The following CNTRL variants were observed in gnomAD, a reference collection of about 807,000 sequenced individuals.
CNTRL encodes centriolin.
CNTRL carries 233 observed loss-of-function variants against 303.7 expected under a neutral mutation model. That is an observed-to-expected ratio of 0.77 (90% CI 0.69 to 0.86). The LOEUF is 0.86. Ranked by LOEUF, CNTRL falls within the 40% of genes least tolerant of loss-of-function variation. CNTRL has a pLI of 0.00. For synonymous variants in CNTRL, 900 were observed against 922.2 expected (o/e 0.98, Z 0.44); for missense variants, 2,524 against 2,650.6 (o/e 0.95, Z 1.05).
At chr9:121,113,465 C>G in intron 9 of CNTRL, 37 bp from the exon 10 acceptor site, 1 of 1,162,204 alleles carries the variant, frequency 8.6e-7, no homozygotes, top group Non-Finnish European at 1.2e-6. Flanking sequence ...GCTTGGAGAT[C>G]ACTTATTAAA....
At chr9:121,094,112 C>G (rs1329312385) in intron 4 of CNTRL, among the ~76,000 whole-genome samples, 1 of 145,856 alleles carries the variant, frequency 6.9e-6, no homozygotes, top group Admixed American at 6.7e-5. Flanking sequence ...GGTCCCCGCC[C>G]CCTCCCCACC....
At chr9:121,140,537 A>G in intron 16 of CNTRL, 104 bp from the exon 17 acceptor site, 3 of 959,692 alleles carry the variant, frequency 3.1e-6, no homozygotes, top group East Asian at 5.8e-5. Context: ...TGAAAGAGGC[A>G]TTGTCTGAAT....
At chr9:121,148,158 A>AT (rs1180279469) in intron 23 of CNTRL, among the ~76,000 whole-genome samples, 1 of 152,200 alleles carries the variant, frequency 6.6e-6, no homozygotes, top group East Asian at 1.9e-4. Flanking sequence ...TGGAGAACTT[A>AT]TTTTCATTTC....
At chr9:121,082,635 CT>C (rs2048183830) in intron 2 of CNTRL, among the ~76,000 whole-genome samples, 1 of 152,120 alleles carries the variant, frequency 6.6e-6, no homozygotes, top group Admixed American at 6.5e-5. Context: ...GTACTGAATA[CT>C]TTAGGCAGTT....
At chr9:121,136,736 T>C (rs1012025890) in intron 15 of CNTRL, among the ~76,000 whole-genome samples, 1 of 152,252 alleles carries the variant, frequency 6.6e-6, no homozygotes, top group Non-Finnish European at 1.5e-5. Flanking sequence ...ATTTATTGAT[T>C]GGCCATTGAG....
intron 7 of CNTRL, among the ~76,000 whole-genome samples, chr9:121,105,207 A>T (rs898506218): frequency 6.6e-6 from 1 of 152,166 alleles, no homozygotes; most frequent in South Asian, 2.1e-4. Flanking sequence ...TAACACTTGG[A>T]TAGGAGTGAT....
intron 14 of CNTRL, among the ~76,000 whole-genome samples, chr9:121,129,586 A>T (rs988500065): frequency 6.6e-6 from 1 of 152,168 alleles, no homozygotes; most frequent in African/African-American, 2.4e-5. Context: ...GCAAACTGAG[A>T]CAATTTGACT....
In CNTRL at chr9:121,148,768, G is replaced by T; in HGVS notation, c.3556G>T (p.Asp1186Tyr). The change falls in exon 24 of 44, where the codon GAT becomes TAT. Residue 1186 changes from aspartate (D) to tyrosine (Y), a missense_variant. Physicochemically the swap from Asp to Tyr is radical, Grantham distance 160. Transcript: ENST00000373855. ...PVRKPRPGQQ[D>Y]GKEGSQPPPA... is the part of the protein sequence containing the mutation. ...TAGAAAACCACGCCCTGGGCAGCAG[G>T]ATGGGAAGGAAGGCAGTCAACCTCC... 6.2e-7 allele frequency: 1 copy of T among 1,614,094 alleles called. No homozygotes were observed. The highest frequency in any genetic ancestry group is 8.5e-7 in the Non-Finnish European group (1 of 1,179,988).
intron 31 of CNTRL, among the ~76,000 whole-genome samples, chr9:121,159,706 C>T (rs1023166187): frequency 2.6e-5 from 4 of 151,650 alleles, no homozygotes; most frequent in African/African-American, 4.8e-5. Flanking sequence ...AAGAAAACTT[C>T]TCTGACCTTT....
intron 24 of CNTRL, 50 bp downstream of exon 24, chr9:121,148,911 C>A: frequency 1.3e-6 from 2 of 1,518,956 alleles, no homozygotes; most frequent in Non-Finnish European, 1.8e-6. Flanking sequence ...CGTTTAATAA[C>A]CTTTTACTGA....
chr9:121,110,754 G>A (rs1368374480), intron 8 of CNTRL, among the ~76,000 whole-genome samples: 1 of 151,910 alleles, frequency 6.6e-6, no homozygotes, highest in African/African-American at 2.4e-5. Context: ...GTGGGGGAAA[G>A]AATTATTTTT....
chr9:121,087,948 G>A (rs921424564), intron 2 of CNTRL, among the ~76,000 whole-genome samples: 2 of 152,202 alleles, frequency 1.3e-5, no homozygotes, highest in Admixed American at 1.3e-4. Flanking sequence ...GTGCTCATCA[G>A]TATTAAATAC....
intron 12 of CNTRL, among the ~76,000 whole-genome samples, chr9:121,119,705 A>G (rs966389032): frequency 2.6e-5 from 4 of 152,038 alleles, no homozygotes; most frequent in Non-Finnish European, 1.5e-5. Context: ...CATGTTGCTC[A>G]GGCTGGTCTC....
chr9:121,173,536 G>A (rs900062302), intron 41 of CNTRL, 27 bp downstream of exon 41: 3 of 1,610,924 alleles, frequency 1.9e-6, no homozygotes, highest in South Asian at 1.1e-5. Context: ...CTATTCTCTG[G>A]GTTCGTAGGA....
At chr9:121,137,175 T>C (rs2051244744) in intron 15 of CNTRL, among the ~76,000 whole-genome samples, 1 of 152,180 alleles carries the variant, frequency 6.6e-6, no homozygotes. Context: ...AGATTAAAAA[T>C]ACAATTTATT....
At chr9:121,171,798 T>C (rs2053315700) in intron 40 of CNTRL, among the ~76,000 whole-genome samples, 1 of 152,230 alleles carries the variant, frequency 6.6e-6, no homozygotes, top group Non-Finnish European at 1.5e-5. Context: ...AGGTAATTCT[T>C]GAGCATCATA....
At chr9:121,150,059 G>T in intron 24 of CNTRL, 111 bp from the exon 25 acceptor site, 1 of 745,370 alleles carries the variant, frequency 1.3e-6, no homozygotes. Context: ...TCTCACATCT[G>T]CAGTATCTTG....
At chr9:121,159,161 A>T in intron 31 of CNTRL, 142 bp downstream of exon 31, 2 of 816,912 alleles carry the variant, frequency 2.4e-6, no homozygotes, top group Admixed American at 2.9e-5. Context: ...TGGTGTTGTT[A>T]CATATCCATG....
Position 121,159,020 on chromosome 9 carries a change from G to A in CNTRL, c.4929+1G>A, listed in dbSNP as rs753815923. On this transcript the variant is annotated splice_donor_variant, in intron 31 of 43. Coordinates refer to ENST00000373855, the MANE Select transcript of CNTRL (RefSeq NM_007018.6). LOFTEE classifies it high-confidence loss of function. ...AACTGAGAAGTGCAATCACATTAGG[G>A]TGTGTTTTTTATTAGGGTTTTCTGA... 1.2e-6 allele frequency: 2 copies of A among 1,613,232 alleles called. No individual in the cohort carries two copies. The highest frequency in any genetic ancestry group is 1.1e-5 in the South Asian group (1 of 91,054).
Sources: allele counts gnomAD v4.1 joint callset (sites outside exome capture counted in the v4.1 genomes callset), GRCh38; gene constraint gnomAD v4.1.1; transcripts MANE v1.5; gene names NCBI Gene and HGNC (gene_info 2026-07-23, HGNC 2026-07-21).